ERBB4: variants seen among roughly 807,000 people sequenced by gnomAD.
ERBB4 encodes erb-b2 receptor tyrosine kinase 4.
Under a neutral mutation model 158.0 loss-of-function variants are expected in ERBB4, and 42 were observed. That is an observed-to-expected ratio of 0.27 (90% CI 0.21 to 0.34). The LOEUF is 0.34. Among genes scored for constraint, ERBB4 ranks in the 10% least tolerant of loss-of-function variants. The pLI, the probability that ERBB4 is intolerant of heterozygous loss-of-function variation, is 1.00. For missense variants in ERBB4, 1,333 were observed against 1,624.1 expected (o/e 0.82, Z 3.08); for synonymous variants, 583 against 558.7 (o/e 1.04, Z -0.61).
intron 2 of ERBB4, among the ~76,000 whole-genome samples, chr2:212,035,022 A>G (rs1485041724): frequency 6.6e-6 from 1 of 152,208 alleles, no homozygotes; most frequent in Non-Finnish European, 1.5e-5. Flanking sequence ...ATCTTAGATA[A>G]TAACTTAGAT....
chr2:212,197,190 C>G (rs571864900), intron 1 of ERBB4, among the ~76,000 whole-genome samples: 1 of 152,274 alleles, frequency 6.6e-6, no homozygotes, highest in Admixed American at 6.5e-5. Flanking sequence ...ATTGTCATGA[C>G]TAGACCTAAG....
chr2:212,115,093 C>T (rs189882755), intron 2 of ERBB4, among the ~76,000 whole-genome samples: 1 of 151,626 alleles, frequency 6.6e-6, no homozygotes, highest in Admixed American at 6.6e-5. Flanking sequence ...TTTGAAGAGG[C>T]CTTTGTTTAC....
chr2:211,624,071 A>G, intron 17 of ERBB4, 27 bp from the exon 18 acceptor site: 1 of 1,613,680 alleles, frequency 6.2e-7, no homozygotes, highest in Non-Finnish European at 8.5e-7. Context: ...AGAAGGTTAT[A>G]CTTTCAGTCC....
Sources: gnomAD v4.1 joint callset for allele counts (sites outside exome capture counted in the v4.1 genomes callset) on GRCh38, gnomAD v4.1.1 for gene constraint, MANE v1.5 for transcripts, NCBI Gene and HGNC (gene_info 2026-07-23, HGNC 2026-07-21) for gene names.